Variants in CDH8 observed in about 807,000 individuals in gnomAD.
The protein encoded by CDH8 is cadherin-8.
A neutral mutation model predicts 68.1 loss-of-function variants in CDH8; 17 were observed. The observed-to-expected ratio is 0.25, with a 90% CI of 0.17 to 0.37. The LOEUF (loss-of-function observed/expected upper bound fraction) is 0.37, where lower values mean the gene tolerates loss of function less well. CDH8 is among the 10% of genes least tolerant of loss of function. CDH8 has a pLI of 1.00. For synonymous variants in CDH8, 372 were observed against 365.1 expected, an observed-to-expected ratio of 1.02 and a Z score of -0.21; for missense variants, 763 against 999.3, an observed-to-expected ratio of 0.76 and a Z score of 3.19.
At chr16:61,994,787 G>A (rs991992059) in intron 2 of CDH8, among the ~76,000 whole-genome samples, 13 of 152,144 alleles carry the variant, frequency 8.5e-5, no homozygotes, top group Admixed American at 5.2e-4. Flanking sequence ...TGCTTACTGC[G>A]CTTTCAGAAC....
intron 8 of CDH8, among the ~76,000 whole-genome samples, chr16:61,778,193 A>C (rs558531312): frequency 3.3e-5 from 5 of 152,108 alleles, no homozygotes; most frequent in African/African-American, 1.2e-4. Flanking sequence ...CTTCTCTCCC[A>C]CTATCTCCCC....
intron 10 of CDH8, chr16:61,711,597 T>A (rs1964631273): frequency 6.6e-6 from 1 of 151,770 alleles, no homozygotes; most frequent in Non-Finnish European, 1.5e-5. Flanking sequence ...TTACAGTACC[T>A]ATTCAGGTGC....
chr16:61,720,081 T>A (rs1293217310), intron 9 of CDH8, among the ~76,000 whole-genome samples: 3 of 150,908 alleles, frequency 2.0e-5, no homozygotes, highest in Non-Finnish European at 4.5e-5. Flanking sequence ...AAACTCACTT[T>A]GAATAATGCT....
chr16:61,889,687 T>C (rs6498812), intron 3 of CDH8, among the ~76,000 whole-genome samples: 34,782 of 152,132 alleles, frequency 0.23, 4,734 homozygotes, highest in African/African-American at 0.39. Flanking sequence ...AATGGTTATG[T>C]AATAACAATT....
At chr16:61,847,132 T>C (rs1275837388) in intron 4 of CDH8, among the ~76,000 whole-genome samples, 1 of 152,094 alleles carries the variant, frequency 6.6e-6, no homozygotes, top group East Asian at 1.9e-4. Context: ...CCCATTTTTC[T>C]AACCATGTTC....
intron 2 of CDH8, among the ~76,000 whole-genome samples, chr16:61,956,351 C>A (rs900468295): frequency 2.0e-5 from 3 of 152,100 alleles, no homozygotes; most frequent in African/African-American, 7.2e-5. Flanking sequence ...AAAGCACAAG[C>A]CTTACCTTAT....
intron 3 of CDH8, among the ~76,000 whole-genome samples, chr16:61,864,615 A>G (rs1039357274): frequency 1.3e-5 from 2 of 152,132 alleles, no homozygotes; most frequent in Admixed American, 1.3e-4. Context: ...CCAAACCTCC[A>G]AGGGGCAACT....
At chr16:61,724,025 A>G (rs1959269768) in intron 9 of CDH8, among the ~76,000 whole-genome samples, 1 of 150,664 alleles carries the variant, frequency 6.6e-6, no homozygotes, top group African/African-American at 2.4e-5. Flanking sequence ...GATAACATAT[A>G]TAATATTTAA....
chr16:61,751,397 A>AC (rs1009680444), intron 8 of CDH8, among the ~76,000 whole-genome samples: 1 of 149,062 alleles, frequency 6.7e-6, no homozygotes, highest in Non-Finnish European at 1.5e-5. Context: ...AAAAAAAAAA[A>AC]AAAAAAAAAA....
chr16:62,035,215 C>T (rs557151187), intron 1 of CDH8: 111 of 152,422 alleles, frequency 7.3e-4, no homozygotes, highest in African/African-American at 2.5e-3. Flanking sequence ...GCCTTTTTCC[C>T]TCCGATCCTG....
At chr16:61,883,343 T>TA (rs1372235483) in intron 3 of CDH8, among the ~76,000 whole-genome samples, 4 of 152,098 alleles carry the variant, frequency 2.6e-5, no homozygotes, top group African/African-American at 9.7e-5. Flanking sequence ...GAAGATAATA[T>TA]ATCAATTTTA....
chr16:61,749,396 G>T (rs1284316101), intron 8 of CDH8, among the ~76,000 whole-genome samples: 1 of 152,050 alleles, frequency 6.6e-6, no homozygotes, highest in African/African-American at 2.4e-5. Context: ...TAGAAAGAAA[G>T]AATCTGTCCC....
At chr16:61,694,932 C>T (rs1307397782) in intron 10 of CDH8, among the ~76,000 whole-genome samples, 1 of 152,020 alleles carries the variant, frequency 6.6e-6, no homozygotes, top group African/African-American at 2.4e-5. Flanking sequence ...CAGGCATGCG[C>T]CACCACGCCT....
At chr16:61,655,429 C>T (rs1277424429) in intron 11 of CDH8, 41 bp downstream of exon 11, 1 of 1,604,876 alleles carries the variant, frequency 6.2e-7, no homozygotes, top group Non-Finnish European at 8.5e-7. Flanking sequence ...ATTTATGAAT[C>T]AGAAAAAGGG....
intron 2 of CDH8, among the ~76,000 whole-genome samples, chr16:61,963,320 A>T (rs528542377): frequency 6.6e-5 from 10 of 152,144 alleles, no homozygotes; most frequent in Non-Finnish European, 1.0e-4. Context: ...ATACTCCATC[A>T]TGTTTGTTAT....
At chr16:61,672,503 G>A (rs1445409106) in intron 10 of CDH8, among the ~76,000 whole-genome samples, 1 of 151,918 alleles carries the variant, frequency 6.6e-6, no homozygotes, top group Admixed American at 6.6e-5. Flanking sequence ...AAAAATCTTT[G>A]AGGAATACAT....
chr16:61,825,209 A>G (rs1962302255), intron 4 of CDH8, 30 bp from the exon 5 acceptor site: 1 of 1,576,198 alleles, frequency 6.3e-7, no homozygotes, highest in African/African-American at 1.4e-5. Context: ...AATGACTTTC[A>G]GTCACAGAGC....
At chr16:61,854,046 G>GTA (rs1473185615) in intron 4 of CDH8, among the ~76,000 whole-genome samples, 1 of 151,520 alleles carries the variant, frequency 6.6e-6, no homozygotes, top group Non-Finnish European at 1.5e-5. Flanking sequence ...ACATACACAT[G>GTA]TGTATATATG....
chr16:61,748,606 G>C (rs1421135675), intron 8 of CDH8, among the ~76,000 whole-genome samples: 1 of 151,926 alleles, frequency 6.6e-6, no homozygotes, highest in Non-Finnish European at 1.5e-5. Flanking sequence ...AATGTTGGAA[G>C]GGGTTAGTCC....
Sources: allele counts gnomAD v4.1 joint callset (sites outside exome capture counted in the v4.1 genomes callset), GRCh38; gene constraint gnomAD v4.1.1; transcripts MANE v1.5; gene names NCBI Gene and HGNC (gene_info 2026-07-23, HGNC 2026-07-21).